DHRSX: variants seen among roughly 807,000 people sequenced by gnomAD.
DHRSX encodes the protein dehydrogenase/reductase X-linked.
DHRSX carries 31 observed loss-of-function variants against 34.0 expected under a neutral mutation model. That is an observed-to-expected ratio of 0.91 (90% CI 0.69 to 1.23). DHRSX has a LOEUF of 1.23. Among genes scored for constraint, DHRSX ranks in the 50% most tolerant of loss-of-function variants. The pLI is 0.00. For missense variants in DHRSX, 414 were observed against 428.1 expected (o/e 0.97, Z 0.29); for synonymous variants, 201 against 183.8 (o/e 1.09, Z -0.76).
At chrX:2,253,866 C>T (rs928276888) in intron 5 of DHRSX, among the ~76,000 whole-genome samples, 11 of 152,264 alleles carry the variant, frequency 7.2e-5, no homozygotes, top group Middle Eastern at 6.8e-3. Flanking sequence ...CGAGACCATC[C>T]TGGCTAACAG....
At chrX:2,333,972 C>T (rs1305400295) in intron 3 of DHRSX, among the ~76,000 whole-genome samples, 2 of 152,096 alleles carry the variant, frequency 1.3e-5, no homozygotes, top group Non-Finnish European at 2.9e-5. Flanking sequence ...CGTACATGTA[C>T]CACATTTTCT....
chrX:2,353,330 G>A (rs1255059402), intron 3 of DHRSX, among the ~76,000 whole-genome samples: 3 of 152,128 alleles, frequency 2.0e-5, no homozygotes, highest in East Asian at 3.9e-4. Context: ...AGAATCCAAA[G>A]GGGAGTGGGG....
At chrX:2,384,038 C>T (rs1230388873) in intron 3 of DHRSX, among the ~76,000 whole-genome samples, 3 of 152,102 alleles carry the variant, frequency 2.0e-5, no homozygotes, top group Admixed American at 1.3e-4. Flanking sequence ...ACCTGGAAGC[C>T]GAGAGACTAG....
At chrX:2,432,771 G>T (rs960414168) in intron 1 of DHRSX, among the ~76,000 whole-genome samples, 1 of 152,130 alleles carries the variant, frequency 6.6e-6, no homozygotes, top group African/African-American at 2.4e-5. Context: ...GAAAGAAAAT[G>T]CTTCCTAAAC....
intron 3 of DHRSX, among the ~76,000 whole-genome samples, chrX:2,341,869 A>C (rs1375438972): frequency 6.6e-6 from 1 of 151,532 alleles, no homozygotes; most frequent in African/African-American, 2.4e-5. Context: ...CAATGGCGTG[A>C]TGTCAGCTCA....
At chrX:2,248,144 A>G (rs762874377) in intron 5 of DHRSX, among the ~76,000 whole-genome samples, 1 of 152,198 alleles carries the variant, frequency 6.6e-6, no homozygotes, top group East Asian at 1.9e-4. Flanking sequence ...CTGAAAATAC[A>G]AACATTAGGC....
intron 1 of DHRSX, among the ~76,000 whole-genome samples, chrX:2,477,689 T>G: frequency 6.6e-6 from 1 of 151,994 alleles, no homozygotes; most frequent in Non-Finnish European, 1.5e-5. Context: ...CTACTAAAAA[T>G]ATAAAATTAG....
chrX:2,326,329 C>G (rs1328933039), intron 3 of DHRSX, among the ~76,000 whole-genome samples: 1 of 152,116 alleles, frequency 6.6e-6, no homozygotes, highest in Non-Finnish European at 1.5e-5. Context: ...TCGAGACCAG[C>G]CTGGCCAACA....
chrX:2,221,788 C>T lies in DHRSX; in HGVS notation c.805-559G>A, dbSNP rs774343445. Among the ~76,000 whole-genome samples the T allele has an allele frequency of 2.0e-5, 3 of 152,162 alleles. No homozygotes were observed. In the East Asian group the frequency reaches 5.8e-4, roughly 29 times the overall value. ...GTTTTTCAAAGACTGGGGATTTTACCCTAGTGGAAGGCGATAATCTTGAAA... is the reference window on the plus strand; with the variant it reads ...GTTTTTCAAAGACTGGGGATTTTACTCTAGTGGAAGGCGATAATCTTGAAA... On this transcript the variant is annotated intron_variant, in intron 6 of 6. Coordinates refer to ENST00000334651, the MANE Select transcript of DHRSX (RefSeq NM_145177.3).
intron 4 of DHRSX, among the ~76,000 whole-genome samples, chrX:2,273,966 G>A (rs374322248): frequency 2.0e-5 from 3 of 152,198 alleles, no homozygotes; most frequent in South Asian, 2.1e-4. Context: ...GCAGCCACGC[G>A]CAGGGGCCCT....
chrX:2,264,449 C>T (rs766182010), intron 5 of DHRSX, among the ~76,000 whole-genome samples: 170 of 151,556 alleles, frequency 1.1e-3, no homozygotes, highest in African/African-American at 3.4e-3. Flanking sequence ...GTGCCCAGAG[C>T]ACCTGTGCTC....
chrX:2,235,907 A>T (rs2016003785), intron 6 of DHRSX, among the ~76,000 whole-genome samples: 1 of 149,742 alleles, frequency 6.7e-6, no homozygotes, highest in Admixed American at 6.7e-5. Flanking sequence ...AGGTCAAGAG[A>T]TCAAGACCAT....
intron 1 of DHRSX, among the ~76,000 whole-genome samples, chrX:2,431,373 C>T (rs1389638449): frequency 6.6e-6 from 1 of 151,620 alleles, no homozygotes; most frequent in East Asian, 1.9e-4. Context: ...TTGTCCAATC[C>T]GGAGTTGACA....
chrX:2,228,898 G>C (rs138695209), intron 6 of DHRSX, among the ~76,000 whole-genome samples: 69 of 152,208 alleles, frequency 4.5e-4, no homozygotes, highest in African/African-American at 1.6e-3. Context: ...GCTTCCCTTT[G>C]TCCTTGGGAC....
chrX:2,342,357 C>CT, intron 3 of DHRSX, among the ~76,000 whole-genome samples: 1 of 152,170 alleles, frequency 6.6e-6, no homozygotes, highest in Non-Finnish European at 1.5e-5. Flanking sequence ...CCTTGTGTCT[C>CT]TGAGTCACAT....
At chrX:2,239,530 G>T (rs1441388401) in intron 6 of DHRSX, among the ~76,000 whole-genome samples, 1 of 152,044 alleles carries the variant, frequency 6.6e-6, no homozygotes, top group Non-Finnish European at 1.5e-5. Flanking sequence ...GCCGAGGCAG[G>T]TGGATCACGA....
chrX:2,416,900 C>T (rs1303308806), intron 2 of DHRSX, among the ~76,000 whole-genome samples: 1 of 151,786 alleles, frequency 6.6e-6, no homozygotes, highest in African/African-American at 2.4e-5. Context: ...AATTTCCCAT[C>T]TCTTATTTTG....
chrX:2,315,202 G>C (rs1317794108), intron 3 of DHRSX, among the ~76,000 whole-genome samples: 2 of 151,586 alleles, frequency 1.3e-5, no homozygotes, highest in East Asian at 3.9e-4. Flanking sequence ...TGAGCTGCCT[G>C]AGTCTCCTGG....
intron 1 of DHRSX, among the ~76,000 whole-genome samples, chrX:2,463,007 A>G (rs1274485908): frequency 2.6e-5 from 4 of 152,068 alleles, no homozygotes; most frequent in East Asian, 1.9e-4. Context: ...TTATAAAAGG[A>G]GCCCCAGAGA....
Sources: gnomAD v4.1 joint callset for allele counts (sites outside exome capture counted in the v4.1 genomes callset) on GRCh38, gnomAD v4.1.1 for gene constraint, MANE v1.5 for transcripts, NCBI Gene and HGNC (gene_info 2026-07-23, HGNC 2026-07-21) for gene names.